The following CDYL2 variants were observed in gnomAD, a reference collection of about 807,000 sequenced individuals.
CDYL2 encodes the protein chromodomain Y-like protein 2.
A neutral mutation model predicts 49.4 loss-of-function variants in CDYL2; 23 were observed. The observed-to-expected ratio is 0.47, with a 90% CI of 0.34 to 0.66. The LOEUF is 0.66. Ranked by LOEUF, CDYL2 falls within the 30% of genes least tolerant of loss-of-function variation. The pLI is 0.01. For synonymous variants in CDYL2, 360 were observed against 268.8 expected, an observed-to-expected ratio of 1.34 and a Z score of -3.32; for missense variants, 678 against 656.4, an observed-to-expected ratio of 1.03 and a Z score of -0.36.
chr16:80,783,905 G>A (rs549746303), intron 1 of CDYL2, among the ~76,000 whole-genome samples: 165 of 152,298 alleles, frequency 1.1e-3, no homozygotes, highest in African/African-American at 3.6e-3. Context: ...TGGGAAAACA[G>A]CAAGTGACAC....
intron 2 of CDYL2, among the ~76,000 whole-genome samples, chr16:80,681,703 G>C (rs1241673732): frequency 4.6e-5 from 7 of 152,208 alleles, no homozygotes; most frequent in Non-Finnish European, 1.0e-4. Context: ...GTCATTGTGG[G>C]TATGGTGAAG....
At chr16:80,613,851 T>C (rs747385130) in intron 4 of CDYL2, among the ~76,000 whole-genome samples, 3 of 152,198 alleles carry the variant, frequency 2.0e-5, no homozygotes, top group South Asian at 2.1e-4. Context: ...AAAATCCAAA[T>C]GCCCATTACG....
intron 1 of CDYL2, among the ~76,000 whole-genome samples, chr16:80,741,607 T>A (rs1905738058): frequency 6.6e-6 from 1 of 152,098 alleles, no homozygotes; most frequent in African/African-American, 2.4e-5. Context: ...TGTGTGAGGG[T>A]AATAGATGAT....
chr16:80,686,212 CGTGGAAA>C (rs1910184343), intron 1 of CDYL2, among the ~76,000 whole-genome samples: 5 of 152,138 alleles, frequency 3.3e-5, no homozygotes, highest in Admixed American at 6.5e-5. Context: ...TATGTAATCC[CGTGGAAA>C]AATACACTCG....
chr16:80,740,602 C>G (rs1266983102), intron 1 of CDYL2, among the ~76,000 whole-genome samples: 1 of 152,114 alleles, frequency 6.6e-6, no homozygotes. Context: ...CATACACAGT[C>G]ATATATCTTC....
chr16:80,701,793 TG>T (rs1414528579), intron 1 of CDYL2, among the ~76,000 whole-genome samples: 1 of 152,208 alleles, frequency 6.6e-6, no homozygotes, highest in African/African-American at 2.4e-5. Flanking sequence ...CTTTACAAAA[TG>T]GTTCTCAAGT....
rs1237032365 is a variant in CDYL2 at position 80,599,727 on chromosome 16, C to A, written c.*4661G>T. 1 of 152,178 alleles carries A rather than the reference C, an allele frequency of 6.6e-6. No homozygotes were observed. Among genetic ancestry groups the A allele is most frequent in the South Asian group, 2.1e-4 (1 of 4,828 alleles). The allele number at this position is 152,178 out of a possible 1,614,324, so 9.4% of individuals were successfully genotyped here. ...TCATCGACAAGGAATCTGGGGCCAA[C>A]TGCCAGGGTCAGGAGCAGGAAATGC... On this transcript the variant is annotated 3_prime_UTR_variant, in exon 7 of 7. Coordinates refer to ENST00000570137, the MANE Select transcript of CDYL2 (RefSeq NM_152342.4).
chr16:80,688,569 T>C (rs1910290694), intron 1 of CDYL2, among the ~76,000 whole-genome samples: 1 of 152,160 alleles, frequency 6.6e-6, no homozygotes, highest in Non-Finnish European at 1.5e-5. Context: ...CACAAGGTTT[T>C]TGCAGGTTCA....
At chr16:80,760,853 A>ATTT (rs1392475853) in intron 1 of CDYL2, among the ~76,000 whole-genome samples, 3 of 151,898 alleles carry the variant, frequency 2.0e-5, no homozygotes, top group South Asian at 2.1e-4. Flanking sequence ...GAAATCATAG[A>ATTT]AACTGAAGGT....
intron 1 of CDYL2, among the ~76,000 whole-genome samples, chr16:80,716,264 T>C (rs1463123245): frequency 1.3e-5 from 2 of 152,248 alleles, no homozygotes; most frequent in Non-Finnish European, 2.9e-5. Context: ...ACTTACATCA[T>C]AATTATACAT....
At chr16:80,657,366 A>G (rs1260832323) in intron 2 of CDYL2, among the ~76,000 whole-genome samples, 4 of 152,234 alleles carry the variant, frequency 2.6e-5, no homozygotes, top group Non-Finnish European at 5.9e-5. Flanking sequence ...ACTGGGAAAA[A>G]CAGTTGTGTA....
intron 3 of CDYL2, among the ~76,000 whole-genome samples, chr16:80,625,773 A>C (rs1907272741): frequency 6.6e-6 from 1 of 152,212 alleles, no homozygotes; most frequent in Admixed American, 6.5e-5. Flanking sequence ...TACATAGCAG[A>C]AATAAATTCC....
intron 2 of CDYL2, 107 bp from the exon 3 acceptor site, chr16:80,633,343 G>A: frequency 9.0e-7 from 1 of 1,106,964 alleles, no homozygotes; most frequent in Admixed American, 2.1e-5. Context: ...GGATGTGCTG[G>A]GACACACCAC....
chr16:80,699,356 C>G (rs1904289373), intron 1 of CDYL2, among the ~76,000 whole-genome samples: 1 of 152,206 alleles, frequency 6.6e-6, no homozygotes, highest in Non-Finnish European at 1.5e-5. Context: ...GATTCTATCA[C>G]TTGTGGCAAC....
chr16:80,761,003 G>C (rs187153314), intron 1 of CDYL2, among the ~76,000 whole-genome samples: 84 of 152,194 alleles, frequency 5.5e-4, no homozygotes, highest in Admixed American at 2.9e-3. Flanking sequence ...GCAACCAAAC[G>C]GACAATGTGC....
intron 1 of CDYL2, among the ~76,000 whole-genome samples, chr16:80,734,479 T>C (rs1379910841): frequency 1.3e-5 from 2 of 152,142 alleles, no homozygotes; most frequent in African/African-American, 4.8e-5. Flanking sequence ...AGACATGGTG[T>C]GGATCTAGAG....
At chr16:80,670,229 T>C (rs537310321) in intron 2 of CDYL2, among the ~76,000 whole-genome samples, 2 of 152,282 alleles carry the variant, frequency 1.3e-5, no homozygotes, top group South Asian at 2.1e-4. Context: ...TCATCTTGAA[T>C]TGTAGTTTTT....
At position 80,767,800 on chromosome 16, in the gene CDYL2, C is replaced by A. The variant is rs114907065; in HGVS notation, c.24+36350G>T. On this transcript the variant is annotated intron_variant, in intron 1 of 6. Coordinates refer to ENST00000570137, the MANE Select transcript of CDYL2 (RefSeq NM_152342.4). ...TGCCTACTATATGCCAGGCACTGAA[C>A]AATCTCTAGCTTTTCTAAAAAGTAC... is the stretch of plus-strand genomic sequence containing the variant. Among the ~76,000 whole-genome samples, 1,314 of 152,280 alleles carry A rather than the reference C, an allele frequency of 8.6e-3. 21 individuals are homozygous for A. The highest frequency in any genetic ancestry group is 0.029 in the African/African-American group (1,217 of 41,560).
At chr16:80,772,733 G>C (rs901633637) in intron 1 of CDYL2, among the ~76,000 whole-genome samples, 1 of 152,114 alleles carries the variant, frequency 6.6e-6, no homozygotes, top group Non-Finnish European at 1.5e-5. Context: ...TTACAGGTGT[G>C]AGCCACCACG....
Sources: gnomAD v4.1 joint callset for allele counts (sites outside exome capture counted in the v4.1 genomes callset) on GRCh38, gnomAD v4.1.1 for gene constraint, MANE v1.5 for transcripts, NCBI Gene and HGNC (gene_info 2026-07-23, HGNC 2026-07-21) for gene names.